The following SCN9A variants were observed in gnomAD, a reference collection of about 807,000 sequenced individuals.
SCN9A encodes the protein sodium voltage-gated channel alpha subunit 9.
A neutral mutation model predicts 187.0 loss-of-function variants in SCN9A; 131 were observed. That is an observed-to-expected ratio of 0.70 (90% CI 0.61 to 0.81). The LOEUF is 0.81. Among genes scored for constraint, SCN9A ranks in the 30% least tolerant of loss-of-function variants. The pLI is 0.00. For synonymous variants in SCN9A, 809 were observed against 808.6 expected, an observed-to-expected ratio of 1.00 and a Z score of -0.01; for missense variants, 2,252 against 2,396.6, an observed-to-expected ratio of 0.94 and a Z score of 1.26.
In SCN9A at chr2:166,286,650, A is replaced by T. The variant is rs761925071; in HGVS notation, c.1315-27T>A. On this transcript the variant is annotated intron_variant, in intron 10 of 26. Transcript: ENST00000642356. Reference sequence around the variant, plus strand: ...TGGTTGGGCCAAGACGTTAACACTTAAATGAGTCATTTCCAAATCCTAGGA... The same window carrying T: ...TGGTTGGGCCAAGACGTTAACACTTTAATGAGTCATTTCCAAATCCTAGGA... The T allele has an allele frequency of 4.7e-6, 7 of 1,478,028 alleles. No individual in the cohort carries two copies. In the South Asian group the frequency reaches 1.0e-4, roughly 22 times the overall value. 91.6% of individuals were successfully genotyped at this position (1,478,028 alleles called of 1,614,324 possible). A position where few individuals can be genotyped will look rare whatever the true frequency, so the allele number is the denominator to read the frequency against.
chr2:166,365,038 T>A (rs1322990157), intron 1 of SCN9A, among the ~76,000 whole-genome samples: 3 of 152,074 alleles, frequency 2.0e-5, no homozygotes, highest in Admixed American at 6.6e-5. Flanking sequence ...AATAATCATA[T>A]AATAAACATC....
chr2:166,319,688 A>G (rs2105242773), intron 1 of SCN9A, among the ~76,000 whole-genome samples: 1 of 152,306 alleles, frequency 6.6e-6, no homozygotes, highest in South Asian at 2.1e-4. Context: ...TGTGCCAATT[A>G]CCAAAGCATA....
chr2:166,235,350 A>G (rs1695268929), intron 20 of SCN9A, among the ~76,000 whole-genome samples: 1 of 152,166 alleles, frequency 6.6e-6, no homozygotes, highest in South Asian at 2.1e-4. Flanking sequence ...ACACACACGT[A>G]TATATACAAA....
At chr2:166,248,155 CT>C (rs1469358102) in intron 18 of SCN9A, 3 of 152,034 alleles carry the variant, frequency 2.0e-5, no homozygotes, top group Non-Finnish European at 4.4e-5. Flanking sequence ...GGATTTAATT[CT>C]TTTTCATACT....
intron 22 of SCN9A, 40 bp from the exon 23 acceptor site, chr2:166,227,763 A>G: frequency 1.0e-6 from 1 of 965,106 alleles, no homozygotes; most frequent in African/African-American, 1.6e-5. Flanking sequence ...TGTTAAGCTC[A>G]TATTCTAAAA....
Position 166,276,998 on chromosome 2 carries a change from G to A in SCN9A, c.2859C>T (p.Val953=), listed in dbSNP as rs2106468604. The A allele has an allele frequency of 6.2e-7, 1 of 1,613,032 alleles. No individual in the cohort carries two copies. Among genetic ancestry groups the A allele is most frequent in the Non-Finnish European group, 8.5e-7 (1 of 1,179,422 alleles). ...GGTTACATACCACCAGGTTTCCAAT[G>A]ACCATGACCATCATGTAAACAATAA... ...MCLIVYMMVM[V]IGNLVVLNLF... is the part of the protein sequence containing the mutation. Residue 953 remains valine (V), a synonymous_variant, in exon 16 of 27, where the codon GTC becomes GTT. Transcript: ENST00000642356.
chr2:166,249,962 G>A (rs1341114854), intron 18 of SCN9A, among the ~76,000 whole-genome samples: 1 of 152,054 alleles, frequency 6.6e-6, no homozygotes, highest in Non-Finnish European at 1.5e-5. Flanking sequence ...GGCCATACAT[G>A]TTGATGAAAT....
At chr2:166,252,203 AT>A (rs1435554980) in intron 17 of SCN9A, among the ~76,000 whole-genome samples, 1 of 151,978 alleles carries the variant, frequency 6.6e-6, no homozygotes, top group Non-Finnish European at 1.5e-5. Context: ...ACCACATCTT[AT>A]TTTTTAAATT....
intron 24 of SCN9A, among the ~76,000 whole-genome samples, chr2:166,208,764 T>C (rs1693939503): frequency 6.6e-6 from 1 of 152,168 alleles, no homozygotes; most frequent in African/African-American, 2.4e-5. Flanking sequence ...GATCAAATTA[T>C]TGAAGTTAAA....
At chr2:166,212,699 G>C (rs1217895876) in intron 24 of SCN9A, among the ~76,000 whole-genome samples, 1 of 152,088 alleles carries the variant, frequency 6.6e-6, no homozygotes, top group Non-Finnish European at 1.5e-5. Flanking sequence ...TTTCAAGTGC[G>C]CACAGAATAT....
At chr2:166,263,048 A>G (rs991807096) in intron 17 of SCN9A, among the ~76,000 whole-genome samples, 6 of 151,876 alleles carry the variant, frequency 4.0e-5, no homozygotes, top group Non-Finnish European at 8.8e-5. Flanking sequence ...GGCAGAAGGG[A>G]GGTGCTTCCC....
intron 24 of SCN9A, among the ~76,000 whole-genome samples, chr2:166,210,144 C>G (rs1251714574): frequency 6.6e-6 from 1 of 152,228 alleles, no homozygotes; most frequent in Admixed American, 6.5e-5. Context: ...AGGATGAGCT[C>G]AAGTCCTTTG....
chr2:166,322,029 G>T (rs1230510099), intron 1 of SCN9A, among the ~76,000 whole-genome samples: 1 of 151,932 alleles, frequency 6.6e-6, no homozygotes, highest in African/African-American at 2.4e-5. Flanking sequence ...ATTTTAAAAC[G>T]CTGATCTTCC....
At position 166,199,343 on chromosome 2, in the gene SCN9A, C is replaced by T; in HGVS notation, c.5296G>A (p.Ala1766Thr). The T allele has an allele frequency of 1.2e-6, 2 of 1,614,130 alleles. No homozygotes were observed. The highest frequency in any genetic ancestry group is 1.7e-6 in the Non-Finnish European group (2 of 1,180,024). ...IAVILENFSV[A>T]TEESTEPLSE... Reference sequence around the variant, plus strand: ...AGAGGTTCAGTACTTTCTTCAGTGGCAACACTAAAATTCTCCAGTATGACT... The same window carrying T: ...AGAGGTTCAGTACTTTCTTCAGTGGTAACACTAAAATTCTCCAGTATGACT... Residue 1766 changes from alanine (A) to threonine (T), a missense_variant, in exon 27 of 27, where the codon GCC becomes ACC. Transcript: ENST00000642356.
chr2:166,286,812 A>G (rs556528031), intron 10 of SCN9A, among the ~76,000 whole-genome samples, 189 bp from the exon 11 acceptor site: 9 of 152,336 alleles, frequency 5.9e-5, no homozygotes, highest in African/African-American at 2.2e-4. Context: ...TTTTTGTCTC[A>G]GGTTGAAATA....
chr2:166,227,175 T>C (rs6750196), intron 23 of SCN9A, among the ~76,000 whole-genome samples: 3,946 of 152,234 alleles, frequency 0.026, 170 homozygotes, highest in African/African-American at 0.088. Flanking sequence ...TGGAACTTAT[T>C]TCACATAAAC....
At chr2:166,234,671 A>G (rs1464475326) in intron 20 of SCN9A, among the ~76,000 whole-genome samples, 2 of 152,160 alleles carry the variant, frequency 1.3e-5, no homozygotes, top group Admixed American at 6.6e-5. Context: ...GCCACTCTTA[A>G]ATTTGCCCAG....
In SCN9A at chr2:166,243,253, T is replaced by C. The variant is rs537165103; in HGVS notation, c.3473-597A>G. Among the ~76,000 whole-genome samples the C allele has an allele frequency of 2.6e-5, 4 of 152,140 alleles. No homozygotes were observed. In the East Asian group the frequency reaches 7.7e-4, roughly 29 times the overall value. ...ATATACTGCTACAAAAAATTGAAAA[T>C]TGTACTTAAAAATGGTTAGGTTTAT... On this transcript the variant is annotated intron_variant, in intron 18 of 26. Coordinates refer to ENST00000642356, the MANE Select transcript of SCN9A (RefSeq NM_001365536.1).
At chr2:166,299,536 T>G (rs1241506250) in intron 7 of SCN9A, among the ~76,000 whole-genome samples, 5 of 150,984 alleles carry the variant, frequency 3.3e-5, no homozygotes, top group Non-Finnish European at 7.3e-5. Flanking sequence ...TCTTACTTTA[T>G]TGGCGGCTCT....
Sources: gnomAD v4.1 joint callset for allele counts (sites outside exome capture counted in the v4.1 genomes callset) on GRCh38, gnomAD v4.1.1 for gene constraint, MANE v1.5 for transcripts, NCBI Gene and HGNC (gene_info 2026-07-23, HGNC 2026-07-21) for gene names.